The following MICU1 variants were observed in gnomAD, a reference collection of about 807,000 sequenced individuals.
The protein encoded by MICU1 is mitochondrial calcium uptake 1.
MICU1 carries 45 observed loss-of-function variants against 56.8 expected under a neutral mutation model. That is an observed-to-expected ratio of 0.79 (90% CI 0.62 to 1.02). MICU1 has a LOEUF of 1.02. Ranked by LOEUF, MICU1 falls within the 50% of genes least tolerant of loss-of-function variation. The probability of loss-of-function intolerance (pLI) is 0.00; values close to 1 mark genes in which losing one functional copy is unlikely to be tolerated. For synonymous variants in MICU1, 186 were observed against 195.1 expected (o/e 0.95, Z 0.39); for missense variants, 504 against 587.1 (o/e 0.86, Z 1.46).
At chr10:72,368,378 C>T in intron 11 of MICU1, 23 bp from the exon 12 acceptor site, 1 of 1,608,268 alleles carries the variant, frequency 6.2e-7, no homozygotes, top group Non-Finnish European at 8.5e-7. Flanking sequence ...GCAAAAACAA[C>T]AGGGATAAGT....
At chr10:72,434,824 C>T (rs1407052400) in intron 8 of MICU1, among the ~76,000 whole-genome samples, 3 of 152,170 alleles carry the variant, frequency 2.0e-5, no homozygotes, top group African/African-American at 7.2e-5. Flanking sequence ...TCCCACACTC[C>T]TTTTGTCCTA....
intron 1 of MICU1, among the ~76,000 whole-genome samples, chr10:72,613,396 C>A (rs1372540594): frequency 2.0e-5 from 3 of 151,588 alleles, no homozygotes; most frequent in Non-Finnish European, 4.4e-5. Context: ...GCCTCAGCCT[C>A]CTGAGTGGCT....
At chr10:72,600,769 T>C (rs946247183) in intron 1 of MICU1, among the ~76,000 whole-genome samples, 3 of 152,108 alleles carry the variant, frequency 2.0e-5, no homozygotes, top group African/African-American at 2.4e-5. Flanking sequence ...AGCATTAAAT[T>C]TGTGAGTAGA....
At chr10:72,374,867 A>G (rs1405822290) in intron 11 of MICU1, among the ~76,000 whole-genome samples, 1 of 115,060 alleles carries the variant, frequency 8.7e-6, no homozygotes, top group Non-Finnish European at 1.6e-5. Context: ...CCCAGGCTGG[A>G]GTGTTGTGGC....
chr10:72,592,446 T>C (rs1025385273), intron 1 of MICU1, among the ~76,000 whole-genome samples: 2 of 152,178 alleles, frequency 1.3e-5, no homozygotes. Flanking sequence ...TCCACAAGAT[T>C]GAAGAAGAGG....
chr10:72,622,640 T>G (rs1361113330), intron 1 of MICU1, among the ~76,000 whole-genome samples: 2 of 152,230 alleles, frequency 1.3e-5, no homozygotes, highest in Non-Finnish European at 2.9e-5. Flanking sequence ...TCCAAAGCCT[T>G]ACTTTTCCAC....
chr10:72,384,181 G>GCC (rs1862814476), intron 10 of MICU1, among the ~76,000 whole-genome samples: 2 of 152,046 alleles, frequency 1.3e-5, no homozygotes, highest in Admixed American at 1.3e-4. Flanking sequence ...TTTTTGTAGA[G>GCC]ATGGGGTTTC....
At position 72,545,636 on chromosome 10, in the gene MICU1, A is replaced by G. The variant is rs148557497; in HGVS notation, c.493+5543T>C. 2.8e-3 allele frequency among the ~76,000 whole-genome samples: 431 copies of G among 152,340 alleles called. 2 individuals carry two copies. Among genetic ancestry groups the G allele is most frequent in the African/African-American group, 9.9e-3 (411 of 41,582 alleles). ...GTTCTTATTATGTAAATAAAGTCTC[A>G]TAGGTGGCTGCCCTTAGGGACAAAA... On this transcript the variant is annotated intron_variant, in intron 4 of 11. Coordinates refer to ENST00000361114, the MANE Select transcript of MICU1 (RefSeq NM_001195518.2).
chr10:72,591,549 A>C (rs1433235734), intron 1 of MICU1, among the ~76,000 whole-genome samples: 1 of 152,196 alleles, frequency 6.6e-6, no homozygotes, highest in Non-Finnish European at 1.5e-5. Context: ...GGATATTACT[A>C]CAGATTTTAC....
chr10:72,564,544 GAAAAAAAAA>G (rs11465166), intron 2 of MICU1, among the ~76,000 whole-genome samples: 2 of 107,414 alleles, frequency 1.9e-5, no homozygotes, highest in African/African-American at 3.5e-5. Flanking sequence ...ATCTCAAAAA[GAAAAAAAAA>G]AAAAAAAAAA....
chr10:72,490,428 C>T (rs1866616652), intron 6 of MICU1, among the ~76,000 whole-genome samples: 1 of 152,020 alleles, frequency 6.6e-6, no homozygotes, highest in Admixed American at 6.5e-5. Context: ...ATCTTTGGTA[C>T]CTCAGCAAAA....
chr10:72,395,831 C>T (rs1156727236), intron 10 of MICU1, among the ~76,000 whole-genome samples: 4 of 152,262 alleles, frequency 2.6e-5, no homozygotes, highest in Admixed American at 2.6e-4. Context: ...AGCCTCTAGA[C>T]TCCACCTCTA....
intron 1 of MICU1, among the ~76,000 whole-genome samples, chr10:72,600,410 A>G (rs534980578): frequency 2.6e-4 from 40 of 151,978 alleles, no homozygotes; most frequent in African/African-American, 9.2e-4. Flanking sequence ...GCACTTTGGG[A>G]GGCCGAGGTG....
At chr10:72,433,203 G>A (rs558115251) in intron 8 of MICU1, among the ~76,000 whole-genome samples, 1 of 152,176 alleles carries the variant, frequency 6.6e-6, no homozygotes, top group African/African-American at 2.4e-5. Flanking sequence ...GCTTCCCAAT[G>A]TGTTGGGATT....
At chr10:72,502,354 C>T (rs1867106320) in intron 6 of MICU1, among the ~76,000 whole-genome samples, 1 of 151,996 alleles carries the variant, frequency 6.6e-6, no homozygotes, top group Non-Finnish European at 1.5e-5. Flanking sequence ...TGGGGTTTCG[C>T]CATGTTGGCC....
intron 5 of MICU1, among the ~76,000 whole-genome samples, chr10:72,528,969 T>A (rs1839399708): frequency 6.6e-6 from 1 of 152,202 alleles, no homozygotes; most frequent in African/African-American, 2.4e-5. Context: ...ATATTAAAGC[T>A]TTGATTTTCA....
At chr10:72,471,359 C>G (rs1054016400) in intron 8 of MICU1, among the ~76,000 whole-genome samples, 1 of 152,220 alleles carries the variant, frequency 6.6e-6, no homozygotes, top group African/African-American at 2.4e-5. Context: ...GCTGGGATTA[C>G]AGGCATGAGC....
chr10:72,485,909 A>C (rs899439940), intron 6 of MICU1, among the ~76,000 whole-genome samples: 52 of 152,012 alleles, frequency 3.4e-4, no homozygotes, highest in Admixed American at 8.5e-4. Context: ...GCACACACAC[A>C]CACACACCCC....
rs368629554 is a variant in MICU1 at position 72,501,181 on chromosome 10, G to C, written c.652+6974C>G. Among the ~76,000 whole-genome samples the C allele has an allele frequency of 7.9e-5, 12 of 152,090 alleles. No homozygotes were observed. In the South Asian group the frequency reaches 8.3e-4, roughly 11 times the overall value. Reference sequence around the variant, plus strand: ...ATGGCTCATGCTGAAAATTCTTCAAGTTAATCCATCAAAGCTGATTAGAGA... The same window carrying C: ...ATGGCTCATGCTGAAAATTCTTCAACTTAATCCATCAAAGCTGATTAGAGA... On this transcript the variant is annotated intron_variant, in intron 6 of 11. Coordinates refer to ENST00000361114, the MANE Select transcript of MICU1 (RefSeq NM_001195518.2).
Sources: allele counts gnomAD v4.1 joint callset (sites outside exome capture counted in the v4.1 genomes callset), GRCh38; gene constraint gnomAD v4.1.1; transcripts MANE v1.5; gene names NCBI Gene and HGNC (gene_info 2026-07-23, HGNC 2026-07-21).